Variants in MRTFB observed in about 807,000 individuals in gnomAD.
The protein encoded by MRTFB is myocardin-related transcription factor B.
MRTFB carries 29 observed loss-of-function variants against 104.2 expected under a neutral mutation model. The ratio of observed to expected loss-of-function variants is 0.28; its 90% CI spans 0.21 to 0.38. The LOEUF (loss-of-function observed/expected upper bound fraction) is 0.38. MRTFB is among the 10% of genes least tolerant of loss of function. The pLI is 1.00. For synonymous variants in MRTFB, 535 were observed against 519.5 expected, an observed-to-expected ratio of 1.03 and a Z score of -0.41; for missense variants, 1,270 against 1,341.6, an observed-to-expected ratio of 0.95 and a Z score of 0.83.
At chr16:14,025,674 A>T in the MRTFB span, among the ~76,000 whole-genome samples, 1 of 151,480 alleles carries the variant, frequency 6.6e-6, no homozygotes, top group Non-Finnish European at 1.5e-5. Context: ...GGGACATGGA[A>T]GTCTGTGAGG....
At chr16:14,008,579 A>AT in the MRTFB span, among the ~76,000 whole-genome samples, 1 of 152,198 alleles carries the variant, frequency 6.6e-6, no homozygotes, top group African/African-American at 2.4e-5. Flanking sequence ...ATAGTATCTG[A>AT]TTACTATAGC....
At chr16:14,258,304 T>TAA (rs2043599250) in intron 16 of MRTFB, 143 bp downstream of exon 16, 1 of 694,414 alleles carries the variant, frequency 1.4e-6, no homozygotes, top group East Asian at 2.8e-5. Flanking sequence ...TAAAATCTGT[T>TAA]AAATTTAGGC....
the MRTFB span, among the ~76,000 whole-genome samples, chr16:14,000,084 A>G: frequency 1.3e-5 from 2 of 152,106 alleles, no homozygotes; most frequent in African/African-American, 4.8e-5. Flanking sequence ...GCGTTGCCAC[A>G]TTGGGGTGGG....
the MRTFB span, among the ~76,000 whole-genome samples, chr16:14,016,580 C>G: frequency 6.6e-6 from 1 of 152,004 alleles, no homozygotes; most frequent in Non-Finnish European, 1.5e-5. Context: ...CGAGACCAGC[C>G]TGAGCAACAT....
the MRTFB span, among the ~76,000 whole-genome samples, chr16:14,046,422 T>C: frequency 6.6e-6 from 1 of 152,148 alleles, no homozygotes; most frequent in Non-Finnish European, 1.5e-5. Context: ...TGAATCTCCA[T>C]CCCTATAAAC....
At chr16:14,209,262 C>T (rs2041085254) in intron 3 of MRTFB, among the ~76,000 whole-genome samples, 1 of 152,184 alleles carries the variant, frequency 6.6e-6, no homozygotes, top group South Asian at 2.1e-4. Context: ...CTTCTCTTCC[C>T]ACCATTTAAG....
chr16:14,104,086 G>T (rs960247771), intron 2 of MRTFB, among the ~76,000 whole-genome samples: 4 of 152,096 alleles, frequency 2.6e-5, no homozygotes, highest in African/African-American at 9.7e-5. Flanking sequence ...CTTTTCAGAG[G>T]GTGCTCTTAA....
the MRTFB span, among the ~76,000 whole-genome samples, chr16:14,043,888 A>G: frequency 1.3e-5 from 2 of 152,234 alleles, no homozygotes; most frequent in Non-Finnish European, 2.9e-5. Context: ...CCATCAAGTG[A>G]GAAAACCTCA....
At chr16:14,254,532 A>G (rs1262988666) in intron 15 of MRTFB, among the ~76,000 whole-genome samples, 1 of 152,244 alleles carries the variant, frequency 6.6e-6, no homozygotes. Context: ...GCCAGAGAGG[A>G]GATCCCCAAA....
chr16:14,153,603 T>C (rs558829227), intron 3 of MRTFB, among the ~76,000 whole-genome samples: 7 of 152,336 alleles, frequency 4.6e-5, no homozygotes, highest in African/African-American at 1.7e-4. Flanking sequence ...GATAATGGAA[T>C]TTAAACTCAT....
chr16:14,131,166 A>G lies in MRTFB; in HGVS notation c.-63-9378A>G, dbSNP rs1214320747. 2.0e-5 allele frequency among the ~76,000 whole-genome samples: 3 copies of G among 152,200 alleles called. No individual in the cohort carries two copies. In the East Asian group the frequency reaches 5.8e-4, roughly 29 times the overall value. On this transcript the variant is annotated intron_variant, in intron 2 of 16. Transcript: ENST00000571589. ...GGATTTTGTCCCCATATCTAACTCC[A>G]AAACATGAACTCTGAACTGATACCC...
At chr16:14,083,564 G>A (rs1451542777) in intron 2 of MRTFB, among the ~76,000 whole-genome samples, 1 of 152,164 alleles carries the variant, frequency 6.6e-6, no homozygotes, top group East Asian at 1.9e-4. Context: ...TAGGGTTCAA[G>A]GCAAAGTCCT....
At chr16:14,174,007 G>A (rs1467265689) in intron 3 of MRTFB, among the ~76,000 whole-genome samples, 2 of 151,858 alleles carry the variant, frequency 1.3e-5, no homozygotes, top group East Asian at 3.9e-4. Flanking sequence ...TATTATATTG[G>A]TTTTACATTG....
At chr16:14,233,895 GA>G (rs2042381876) in intron 8 of MRTFB, among the ~76,000 whole-genome samples, 1 of 151,446 alleles carries the variant, frequency 6.6e-6, no homozygotes, top group Non-Finnish European at 1.5e-5. Flanking sequence ...GTCTTTTTGA[GA>G]AAATACTCCA....
chr16:14,162,152 CAA>C (rs376183467), intron 3 of MRTFB, among the ~76,000 whole-genome samples: 19 of 62,682 alleles, frequency 3.0e-4, no homozygotes, highest in South Asian at 2.4e-3. Flanking sequence ...CCTGTCTCTA[CAA>C]AAAAAAAAAA....
chr16:14,132,083 A>G (rs1181034607), intron 2 of MRTFB, among the ~76,000 whole-genome samples: 1 of 152,248 alleles, frequency 6.6e-6, no homozygotes, highest in Non-Finnish European at 1.5e-5. Context: ...GCAATGAAAT[A>G]TTACTCAACC....
At chr16:14,141,589 C>G (rs933715659) in intron 3 of MRTFB, 1 of 152,152 alleles carries the variant, frequency 6.6e-6, no homozygotes. Flanking sequence ...AGAAATAAAA[C>G]TGCTTTCCCT....
chr16:14,012,224 CT>C, the MRTFB span, among the ~76,000 whole-genome samples: 4 of 134,210 alleles, frequency 3.0e-5, no homozygotes, highest in East Asian at 4.0e-4. Context: ...TTTTCTTTTT[CT>C]TTTTTTTCTT....
rs898900027 is a variant in MRTFB, at chr16:14,236,557, C to T, written c.831+2274C>T. Among the ~76,000 whole-genome samples, 14 of 152,050 alleles carry T rather than the reference C, an allele frequency of 9.2e-5. No homozygotes were observed. The South Asian group carries it at 1.7e-3, about 18-fold the overall frequency. On this transcript the variant is annotated intron_variant, in intron 9 of 16. Transcript: ENST00000571589. ...GGGGTGCTGGGGAGATAAGGAGAGACGTGTCTTTTAAATGAGGTGGTCTGG... is the reference window on the plus strand; with the variant it reads ...GGGGTGCTGGGGAGATAAGGAGAGATGTGTCTTTTAAATGAGGTGGTCTGG...
Sources: gnomAD v4.1 joint callset for allele counts (sites outside exome capture counted in the v4.1 genomes callset) on GRCh38, gnomAD v4.1.1 for gene constraint, MANE v1.5 for transcripts, NCBI Gene and HGNC (gene_info 2026-07-23, HGNC 2026-07-21) for gene names.